AGBL4: variants seen among roughly 807,000 people sequenced by gnomAD.
AGBL4 encodes the protein AGBL carboxypeptidase 4.
A neutral mutation model predicts 66.4 loss-of-function variants in AGBL4; 58 were observed. The ratio of observed to expected loss-of-function variants is 0.87; its 90% CI spans 0.71 to 1.09. The LOEUF is 1.09. Among genes scored for constraint, AGBL4 ranks in the 50% least tolerant of loss-of-function variants. The probability of loss-of-function intolerance (pLI) is 0.00; values close to 1 mark genes in which losing one functional copy is unlikely to be tolerated. For missense variants in AGBL4, 579 were observed against 631.0 expected, an observed-to-expected ratio of 0.92 and a Z score of 0.88; for synonymous variants, 234 against 222.9, an observed-to-expected ratio of 1.05 and a Z score of -0.44.
chr1:49,888,002 A>G (rs1201683217), intron 1 of AGBL4, among the ~76,000 whole-genome samples: 3 of 152,182 alleles, frequency 2.0e-5, no homozygotes, highest in African/African-American at 7.2e-5. Context: ...AAGACTTAGA[A>G]AAAATAAGTG....
intron 3 of AGBL4, among the ~76,000 whole-genome samples, chr1:49,386,646 T>C (rs879182698): frequency 1.3e-5 from 2 of 152,036 alleles, no homozygotes; most frequent in Non-Finnish European, 2.9e-5. Context: ...CCCTGTTCAC[T>C]TGATGATTCA....
At chr1:49,915,631 C>G (rs202006263) in intron 1 of AGBL4, among the ~76,000 whole-genome samples, 3 of 152,336 alleles carry the variant, frequency 2.0e-5, no homozygotes, top group East Asian at 3.9e-4. Flanking sequence ...GGACCCCTGA[C>G]TGCCTTTGTA....
chr1:48,590,359 T>C (rs1644893845), intron 10 of AGBL4, among the ~76,000 whole-genome samples: 1 of 142,808 alleles, frequency 7.0e-6, no homozygotes, highest in South Asian at 2.2e-4. Context: ...TGAGCCAAGA[T>C]CATGCCATTG....
intron 1 of AGBL4, among the ~76,000 whole-genome samples, chr1:50,013,434 AT>A (rs1189889432): frequency 2.6e-5 from 4 of 152,230 alleles, no homozygotes; most frequent in African/African-American, 9.6e-5. Flanking sequence ...TTTGGTTTTC[AT>A]CCAGCTGTAT....
At chr1:48,631,286 C>A (rs1469869525) in intron 9 of AGBL4, among the ~76,000 whole-genome samples, 1 of 152,206 alleles carries the variant, frequency 6.6e-6, no homozygotes, top group Admixed American at 6.5e-5. Context: ...GTGTTTGCAA[C>A]TGGGCACAAA....
intron 5 of AGBL4, among the ~76,000 whole-genome samples, chr1:49,007,065 G>A (rs1297403081): frequency 4.5e-5 from 4 of 88,674 alleles, no homozygotes; most frequent in African/African-American, 9.0e-5. Context: ...GGCTTCAGAC[G>A]ATCAAATTAC....
chr1:49,066,441 A>C (rs1557611015), intron 4 of AGBL4, among the ~76,000 whole-genome samples: 1 of 152,118 alleles, frequency 6.6e-6, no homozygotes, highest in East Asian at 1.9e-4. Context: ...AGTCCCAGCT[A>C]CTCAGAAGGC....
chr1:49,423,233 T>C (rs1386644147), intron 3 of AGBL4: 2 of 152,232 alleles, frequency 1.3e-5, no homozygotes, highest in African/African-American at 4.8e-5. Flanking sequence ...CAAATATTTG[T>C]CTGTGTCTCC....
At chr1:49,259,468 C>T (rs1043974688) in intron 3 of AGBL4, among the ~76,000 whole-genome samples, 25 of 151,294 alleles carry the variant, frequency 1.7e-4, no homozygotes, top group Non-Finnish European at 2.2e-4. Context: ...GAAGATCTAC[C>T]AAGCAAATGG....
At chr1:49,692,143 T>A (rs928007000) in intron 3 of AGBL4, among the ~76,000 whole-genome samples, 1 of 152,078 alleles carries the variant, frequency 6.6e-6, no homozygotes, top group African/African-American at 2.4e-5. Context: ...ATATTAGTAG[T>A]CTCTTTACTT....
chr1:49,387,086 A>T (rs907486925), intron 3 of AGBL4, among the ~76,000 whole-genome samples: 6 of 151,950 alleles, frequency 3.9e-5, no homozygotes, highest in African/African-American at 1.4e-4. Flanking sequence ...GCAAAGAGTC[A>T]ATTTTCAAGT....
intron 3 of AGBL4, among the ~76,000 whole-genome samples, chr1:49,262,377 A>C (rs1314725131): frequency 1.3e-5 from 2 of 152,142 alleles, no homozygotes; most frequent in African/African-American, 4.8e-5. Context: ...CAACCTACAA[A>C]ATGGGAGAAA....
chr1:49,561,833 T>C (rs2148854869), intron 3 of AGBL4, among the ~76,000 whole-genome samples: 1 of 152,258 alleles, frequency 6.6e-6, no homozygotes, highest in Admixed American at 6.5e-5. Context: ...AGTAATGGGA[T>C]GGCTGGGTCA....
chr1:49,687,113 AGAGG>A (rs1646800929), intron 3 of AGBL4, among the ~76,000 whole-genome samples: 1 of 152,198 alleles, frequency 6.6e-6, no homozygotes, highest in Non-Finnish European at 1.5e-5. Context: ...TAAAGGTAAT[AGAGG>A]GGTATTTAAG....
At chr1:49,548,679 A>G (rs543055668) in intron 3 of AGBL4, among the ~76,000 whole-genome samples, 1 of 152,288 alleles carries the variant, frequency 6.6e-6, no homozygotes, top group Non-Finnish European at 1.5e-5. Flanking sequence ...TTGATTAGCT[A>G]GTATTTTGTT....
chr1:49,194,529 T>A (rs926023876), intron 4 of AGBL4, among the ~76,000 whole-genome samples: 1 of 152,216 alleles, frequency 6.6e-6, no homozygotes, highest in Admixed American at 6.5e-5. Flanking sequence ...TTAATATTGA[T>A]ATGTGAGGTT....
Position 49,928,982 on chromosome 1 carries a change from G to A in AGBL4, c.35-77464C>T, listed in dbSNP as rs150450382. 6.5e-3 allele frequency among the ~76,000 whole-genome samples: 983 copies of A among 152,240 alleles called. 6 individuals carry two copies. The highest frequency in any genetic ancestry group is 0.031 in the Middle Eastern group (9 of 294). On this transcript the variant is annotated intron_variant, in intron 1 of 13. Transcript: ENST00000371839. Reference sequence around the variant, plus strand: ...CATATATGGCATAAAATACTAGACAGCCATAAAAAAGAATGAAATCATATC... The same window carrying A: ...CATATATGGCATAAAATACTAGACAACCATAAAAAAGAATGAAATCATATC...
At chr1:49,651,663 A>G (rs1315251086) in intron 3 of AGBL4, among the ~76,000 whole-genome samples, 1 of 152,074 alleles carries the variant, frequency 6.6e-6, no homozygotes, top group African/African-American at 2.4e-5. Context: ...AGAAACATAC[A>G]CAAGATACAC....
intron 6 of AGBL4, among the ~76,000 whole-genome samples, chr1:48,709,196 G>A (rs1467295290): frequency 1.3e-5 from 2 of 152,138 alleles, no homozygotes; most frequent in South Asian, 2.1e-4. Flanking sequence ...CTTCACCTCC[G>A]CCTTTCCTTT....
Sources: gnomAD v4.1 joint callset for allele counts (sites outside exome capture counted in the v4.1 genomes callset) on GRCh38, gnomAD v4.1.1 for gene constraint, MANE v1.5 for transcripts, NCBI Gene and HGNC (gene_info 2026-07-23, HGNC 2026-07-21) for gene names.